CPNE4: variants seen among roughly 807,000 people sequenced by gnomAD.
CPNE4 encodes copine-4.
A neutral mutation model predicts 67.9 loss-of-function variants in CPNE4; 25 were observed. The ratio of observed to expected loss-of-function variants is 0.37; its 90% CI spans 0.27 to 0.51. The LOEUF (loss-of-function observed/expected upper bound fraction) is 0.51, where lower values mean the gene tolerates loss of function less well. Among genes scored for constraint, CPNE4 ranks in the 20% least tolerant of loss-of-function variants. CPNE4 has a pLI of 0.93. For synonymous variants in CPNE4, 242 were observed against 244.9 expected, an observed-to-expected ratio of 0.99 and a Z score of 0.11; for missense variants, 464 against 690.8, an observed-to-expected ratio of 0.67 and a Z score of 3.68.
intron 7 of CPNE4, among the ~76,000 whole-genome samples, chr3:131,650,895 A>T (rs1043847177): frequency 2.0e-5 from 3 of 152,154 alleles, no homozygotes; most frequent in Non-Finnish European, 4.4e-5. Context: ...ATAGTAAAAA[A>T]TGGTAAACCA....
chr3:131,904,720 C>T (rs1220122369), intron 2 of CPNE4, among the ~76,000 whole-genome samples: 1 of 152,126 alleles, frequency 6.6e-6, no homozygotes, highest in African/African-American at 2.4e-5. Flanking sequence ...CATACCTGTC[C>T]TCTTGGTTCC....
intron 2 of CPNE4, among the ~76,000 whole-genome samples, chr3:131,803,653 A>G (rs972986745): frequency 2.0e-5 from 3 of 152,228 alleles, no homozygotes; most frequent in Admixed American, 6.5e-5. Flanking sequence ...CTGAAAACCC[A>G]TACTTTAGAC....
intron 1 of CPNE4, among the ~76,000 whole-genome samples, chr3:131,941,409 C>G (rs1393261699): frequency 1.3e-5 from 2 of 150,720 alleles, no homozygotes; most frequent in Non-Finnish European, 3.0e-5. Flanking sequence ...GAAATTTACA[C>G]CACAGAGTTA....
At chr3:131,629,295 T>C (rs528933535) in intron 7 of CPNE4, among the ~76,000 whole-genome samples, 26 of 152,216 alleles carry the variant, frequency 1.7e-4, no homozygotes, top group Admixed American at 1.7e-3. Context: ...CCAAACCATA[T>C]CACCCTCCAC....
chr3:131,614,766 G>A (rs556649632), intron 7 of CPNE4, among the ~76,000 whole-genome samples: 64 of 152,272 alleles, frequency 4.2e-4, no homozygotes, highest in African/African-American at 1.4e-3. Flanking sequence ...CTTAGGTAGG[G>A]CTTCCTCCCA....
At chr3:131,673,712 G>A (rs564307615) in intron 6 of CPNE4, among the ~76,000 whole-genome samples, 35 of 152,086 alleles carry the variant, frequency 2.3e-4, no homozygotes, top group Middle Eastern at 3.4e-3. Flanking sequence ...CAGTTTTCTT[G>A]TAGAGTCTTT....
chr3:131,615,891 TCACACACA>T (rs746630965), intron 7 of CPNE4, among the ~76,000 whole-genome samples: 37 of 107,762 alleles, frequency 3.4e-4, no homozygotes, highest in Non-Finnish European at 4.8e-4. Flanking sequence ...TCTCTCTCTC[TCACACACA>T]CACACACACA....
chr3:131,780,324 ACTGGGTATATACT>A (rs1235302855), intron 2 of CPNE4, among the ~76,000 whole-genome samples: 2 of 152,192 alleles, frequency 1.3e-5, no homozygotes, highest in African/African-American at 4.8e-5. Flanking sequence ...CAATCCTATT[ACTGGGTATATACT>A]CAAAGTAATA....
chr3:131,704,550 T>C (rs1383775561), intron 3 of CPNE4, among the ~76,000 whole-genome samples: 1 of 152,174 alleles, frequency 6.6e-6, no homozygotes, highest in East Asian at 1.9e-4. Context: ...CACTTCTCTT[T>C]TTTCTCTCCT....
intron 2 of CPNE4, among the ~76,000 whole-genome samples, chr3:131,805,208 G>A (rs1307213465): frequency 6.6e-6 from 1 of 152,138 alleles, no homozygotes; most frequent in South Asian, 2.1e-4. Flanking sequence ...GAAGGCCATC[G>A]CTTGCTCTCC....
intron 2 of CPNE4, among the ~76,000 whole-genome samples, chr3:131,762,833 T>C (rs1042458590): frequency 6.6e-6 from 1 of 151,994 alleles, no homozygotes; most frequent in Non-Finnish European, 1.5e-5. Context: ...GATATTTTTA[T>C]GAATATCATG....
At chr3:131,735,380 A>G (rs2082212143) in intron 2 of CPNE4, among the ~76,000 whole-genome samples, 1 of 152,198 alleles carries the variant, frequency 6.6e-6, no homozygotes, top group Non-Finnish European at 1.5e-5. Context: ...GCATTTCCTG[A>G]AGCATGTTTC....
chr3:131,684,419 T>C (rs2080834964), intron 6 of CPNE4, among the ~76,000 whole-genome samples: 1 of 152,238 alleles, frequency 6.6e-6, no homozygotes, highest in Admixed American at 6.5e-5. Context: ...TAGCATGCAA[T>C]AGACATACTA....
intron 7 of CPNE4, among the ~76,000 whole-genome samples, chr3:131,638,144 T>A (rs184549439): frequency 2.0e-5 from 3 of 152,030 alleles, no homozygotes; most frequent in Non-Finnish European, 2.9e-5. Flanking sequence ...AACCACAAGG[T>A]ATTCAGGCCA....
chr3:131,862,408 G>C (rs890904088), intron 2 of CPNE4, among the ~76,000 whole-genome samples: 2 of 152,034 alleles, frequency 1.3e-5, no homozygotes, highest in African/African-American at 4.8e-5. Flanking sequence ...TCCTGCTCTA[G>C]CTCAATACCT....
chr3:131,962,833 A>T (rs895201472), intron 1 of CPNE4, among the ~76,000 whole-genome samples: 9 of 152,106 alleles, frequency 5.9e-5, no homozygotes, highest in African/African-American at 2.2e-4. Flanking sequence ...ATGTTGTTCT[A>T]TATTGCCCTA....
rs142416324 is a variant in CPNE4 at position 131,572,946 on chromosome 3, C to T, written c.927+2125G>A. ...AGGCAGATAATAAACACTTACAGAC[C>T]AAATTAAATAAGACACGATACTTTT... On this transcript the variant is annotated intron_variant, in intron 10 of 15. Coordinates refer to ENST00000429747, the MANE Select transcript of CPNE4 (RefSeq NM_130808.3). Among the ~76,000 whole-genome samples, 1,025 of 152,040 alleles carry T rather than the reference C, an allele frequency of 6.7e-3. 5 individuals carry two copies. Among genetic ancestry groups the T allele is most frequent in the Middle Eastern group, 0.017 (5 of 294 alleles).
At chr3:131,850,945 A>G (rs1438857384) in intron 2 of CPNE4, among the ~76,000 whole-genome samples, 1 of 152,072 alleles carries the variant, frequency 6.6e-6, no homozygotes, top group African/African-American at 2.4e-5. Context: ...AAATATGTAC[A>G]TGCTCCATGA....
At chr3:131,788,054 G>C (rs1215514995) in intron 2 of CPNE4, among the ~76,000 whole-genome samples, 1 of 151,912 alleles carries the variant, frequency 6.6e-6, no homozygotes, top group Non-Finnish European at 1.5e-5. Context: ...AAAACCCTAA[G>C]TCTAAGAAAA....
Sources: allele counts gnomAD v4.1 joint callset (sites outside exome capture counted in the v4.1 genomes callset), GRCh38; gene constraint gnomAD v4.1.1; transcripts MANE v1.5; gene names NCBI Gene and HGNC (gene_info 2026-07-23, HGNC 2026-07-21).